CHD8: variants seen among roughly 807,000 people sequenced by gnomAD.
The protein encoded by CHD8 is chromodomain helicase DNA binding protein 8, also known as ATP-dependent chromatin remodeler CHD8.
CHD8 carries 31 observed loss-of-function variants against 279.2 expected under a neutral mutation model. The observed-to-expected ratio is 0.11, with a 90% confidence interval of 0.08 to 0.15. The LOEUF (loss-of-function observed/expected upper bound fraction) is 0.15. CHD8 is among the 10% of genes least tolerant of loss of function. The pLI, the probability that CHD8 is intolerant of heterozygous loss-of-function variation, is 1.00. For synonymous variants in CHD8, 1,081 were observed against 1,139.6 expected (o/e 0.95, Z 1.04); for missense variants, 2,146 against 3,230.5 (o/e 0.66, Z 8.14).
Position 21,395,386 on chromosome 14 carries a change from G to A in CHD8, c.5128-34C>T, listed in dbSNP as rs58514360. On this transcript the variant is annotated intron_variant, in intron 28 of 37. Coordinates refer to ENST00000646647, the MANE Select transcript of CHD8 (RefSeq NM_001170629.2). The stretch of plus-strand genomic sequence containing the variant: ...GGAGATCCACCCAATAGGATGGAGC[G>A]GGGAGGGAAAGGGGGGGAAGTTGGC... The A allele has an allele frequency of 9.5e-5, 145 of 1,519,100 alleles. No individual in the cohort carries two copies. The African/African-American group carries it at 1.5e-3, about 15-fold the overall frequency. The allele number at this position is 1,519,100 out of a possible 1,614,324, so 94.1% of individuals were successfully genotyped here. A position where few individuals can be genotyped will look rare whatever the true frequency, so the allele number is the denominator to read the frequency against.
intron 21 of CHD8, 103 bp downstream of exon 21, chr14:21,401,300 C>A: frequency 2.5e-6 from 2 of 787,934 alleles, no homozygotes; most frequent in South Asian, 1.9e-5. Context: ...TACAATACAC[C>A]ATCATAAATC....
Position 21,403,304 on chromosome 14 carries a change from C to G in CHD8, c.3519-92G>C. The G allele has an allele frequency of 7.4e-7, 1 of 1,346,282 alleles. No individual in the cohort carries two copies. The highest frequency in any genetic ancestry group is 2.4e-5 in the East Asian group (1 of 42,002). 83.4% of individuals were successfully genotyped at this position (1,346,282 alleles called of 1,614,324 possible). A position where few individuals can be genotyped will look rare whatever the true frequency, so the allele number is the denominator to read the frequency against. Reference sequence around the variant, plus strand: ...AGGATCAATACCAGTACTCCCATATCAAAGCTGGTCAAAAACCCAAGTTGA... The same window carrying G: ...AGGATCAATACCAGTACTCCCATATGAAAGCTGGTCAAAAACCCAAGTTGA... On this transcript the variant is annotated intron_variant, in intron 17 of 37. Transcript: ENST00000646647. The surrounding 1 kb of genome is among the most constrained non-coding windows in gnomAD (Gnocchi z 4.3).
Position 21,409,961 on chromosome 14 carries a change from A to C in CHD8, c.2254T>G (p.Cys752Gly). 6.2e-7 allele frequency: 1 copy of C among 1,613,340 alleles called. No individual in the cohort carries two copies. Among genetic ancestry groups the C allele is most frequent in the Non-Finnish European group, 8.5e-7 (1 of 1,179,484 alleles). Reference sequence around the variant, plus strand: ...GTGCTATCCTCATAGGGCAGAGAGCACCATTTCACCAGGTAGTAAATAACG... The same window carrying C: ...GTGCTATCCTCATAGGGCAGAGAGCCCCATTTCACCAGGTAGTAAATAACG... ...EPVIYYLVKW[C>G]SLPYEDSTWE... Residue 752 changes from cysteine to glycine, a missense_variant, in exon 11 of 38, where the codon TGC (cysteine) becomes GGC (glycine). Physicochemically the swap from Cys to Gly is radical, Grantham distance 159. Transcript: ENST00000646647.
chr14:21,398,563 C>CA (rs2139458588), intron 26 of CHD8: 1 of 152,194 alleles, frequency 6.6e-6, no homozygotes, highest in East Asian at 1.9e-4. Flanking sequence ...TTAAACGTCT[C>CA]AAAAAAGATG....
chr14:21,408,169 A>C lies in CHD8; in HGVS notation c.2730+143T>G. ...AAATGCCCTGCACACTGCTATACAA[A>C]AATGCCTTAAACCATAGGCATTTTT... On this transcript the variant is annotated intron_variant, in intron 13 of 37. Coordinates refer to ENST00000646647, the MANE Select transcript of CHD8 (RefSeq NM_001170629.2). This position sits in a 1 kb window ranked among gnomAD's most constrained non-coding sequence, Gnocchi z 4.3. The C allele has an allele frequency of 1.0e-6, 1 of 985,756 alleles. No individual in the cohort carries two copies. The highest frequency in any genetic ancestry group is 2.4e-5 in the East Asian group (1 of 41,026). The allele number at this position is 985,756 out of a possible 1,614,324, so 61.1% of individuals were successfully genotyped here.
chr14:21,385,739 G>A lies in CHD8; in HGVS notation c.7620C>T (p.Asp2540=), dbSNP rs367905297. The A allele has an allele frequency of 6.4e-4, 993 of 1,551,282 alleles. 2 individuals carry two copies. The highest frequency in any genetic ancestry group is 1.7e-3 in the Middle Eastern group (10 of 5,990). Residue 2540 remains aspartate, a synonymous_variant, in exon 38 of 38, where the codon GAC becomes GAT. Transcript: ENST00000646647. Reference sequence around the variant, plus strand: ...CATCATCATCTTCTTCATCCTCATCGTCATCCTCCTCAGGTTGCAGTGGTG... The same window carrying A: ...CATCATCATCTTCTTCATCCTCATCATCATCCTCCTCAGGTTGCAGTGGTG... ...RLPPLQPEED[D]DEDEEDDDDL...
intron 1 of CHD8, among the ~76,000 whole-genome samples, chr14:21,432,673 C>T (rs1889613811): frequency 6.6e-6 from 1 of 152,182 alleles, no homozygotes; most frequent in South Asian, 2.1e-4. Context: ...TCCTCTCCAT[C>T]CCAATGCCAA....
rs1174817507 is a variant in CHD8, at chr14:21,405,857, T to G, written c.2915A>C (p.Lys972Thr). ...CAATGGTGTTCCTGTGAGTAGCACC[T>G]TGTGTTCCTAGAAATGGAGGAAACA... is the stretch of plus-strand genomic sequence containing the variant. ...DSLKHMDLEH[K>T]VLLTGTPLQN... The change falls in exon 15 of 38, where the codon AAG becomes ACG. Residue 972 changes from lysine (K) to threonine (T), a missense_variant. This residue lies in a region of CHD8 where 211 missense variants were observed against 464.7 expected (regional missense o/e 0.45). Transcript: ENST00000646647. This position sits in a 1 kb window ranked among gnomAD's most constrained non-coding sequence, Gnocchi z 4.2. 6.2e-7 allele frequency: 1 copy of G among 1,607,886 alleles called. No homozygotes were observed. The highest frequency in any genetic ancestry group is 1.1e-5 in the South Asian group (1 of 89,596).
intron 21 of CHD8, 71 bp downstream of exon 21, chr14:21,401,332 G>A: frequency 1.1e-6 from 1 of 900,710 alleles, no homozygotes; most frequent in Non-Finnish European, 1.7e-6. Flanking sequence ...CAAATAATCA[G>A]AGTAGCTGTA....
chr14:21,409,906 C>A lies in CHD8; in HGVS notation c.2309G>T (p.Gly770Val), dbSNP rs1888414292. 1 of 1,613,646 alleles carries A rather than the reference C, an allele frequency of 6.2e-7. No homozygotes were observed. The highest frequency in any genetic ancestry group is 1.3e-5 in the African/African-American group (1 of 74,906). ...AATCCGTTTAAATTCTCGAATCTTG[C>A]CCTCATCAACATCTTCTTTTAGCTC... Reference protein sequence around the residue: ...TWELKEDVDEGKIREFKRIQS... With the variant: ...TWELKEDVDEVKIREFKRIQS... The change falls in exon 11 of 38, where the codon GGC (glycine) becomes GTC (valine). Residue 770 changes from glycine (G) to valine (V), a missense_variant. By Grantham distance (109) the Gly-to-Val change is moderately radical (BLOSUM62 -3). Around this residue, in one of 26 missense-constraint regions of CHD8, gnomAD observed 211 missense variants for 464.7 expected, o/e 0.45. Coordinates refer to ENST00000646647, the MANE Select transcript of CHD8 (RefSeq NM_001170629.2).
In CHD8 at chr14:21,402,988, T is replaced by G; in HGVS notation, c.3714+29A>C. On this transcript the variant is annotated intron_variant, in intron 18 of 37. Transcript: ENST00000646647. This position sits in a 1 kb window ranked among gnomAD's most constrained non-coding sequence, Gnocchi z 4.5. ...TTGAAAAATCTCCCAAGTTAGGTAG[T>G]TAGTCCCTAAGACAATGAATTCCTT... is the stretch of plus-strand genomic sequence containing the variant. 4.5e-6 allele frequency: 7 copies of G among 1,561,838 alleles called. No individual in the cohort carries two copies. The highest frequency in any genetic ancestry group is 5.3e-6 in the Non-Finnish European group (6 of 1,139,008).
In CHD8 at chr14:21,391,827, A is replaced by T. The variant is rs766591326; in HGVS notation, c.6885+6T>A. The T allele has an allele frequency of 1.3e-6, 2 of 1,594,008 alleles. No individual in the cohort carries two copies. Among genetic ancestry groups the T allele is most frequent in the South Asian group, 2.2e-5 (2 of 90,670 alleles). ...CGTCAGGTTAAAGACTTTCTCTACC[A>T]CTCACCTCTACTAGCTTCTTTCTGT... is the stretch of plus-strand genomic sequence containing the variant. On this transcript the variant is annotated splice_donor_region_variant and intron_variant, in intron 35 of 37. Transcript: ENST00000646647.
chr14:21,446,393 CCT>C (rs950436684), intron 1 of CHD8, among the ~76,000 whole-genome samples: 15 of 148,006 alleles, frequency 1.0e-4, no homozygotes, highest in African/African-American at 3.5e-4. Context: ...CTCACTGCAA[CCT>C]CTGTCTCCCA....
intron 37 of CHD8, chr14:21,386,445 AC>A (rs1887240455): frequency 2.0e-6 from 1 of 510,158 alleles, no homozygotes. Flanking sequence ...TTTCCCCATG[AC>A]TATATTGTAT....
intron 4 of CHD8, chr14:21,426,610 A>T (rs1889329253): frequency 6.0e-6 from 1 of 167,592 alleles, no homozygotes; most frequent in Non-Finnish European, 1.3e-5. Flanking sequence ...TAGAGAGATA[A>T]TACCTGTCCT....
Position 21,385,742 on chromosome 14 carries a change from ATCC to A in CHD8, c.7614_7616del (p.Glu2538del). On this transcript the variant is annotated inframe_deletion, in exon 38 of 38. Transcript: ENST00000646647. ...CATCATCTTCTTCATCCTCATCGTCATCCTCCTCAGGTTGCAGTGGTGGCAACC... is the reference window on the plus strand; with the variant it reads ...CATCATCTTCTTCATCCTCATCGTCATCCTCAGGTTGCAGTGGTGGCAACC... 6.4e-7 allele frequency: 1 copy of A among 1,551,102 alleles called. No homozygotes were observed. The highest frequency in any genetic ancestry group is 8.7e-7 in the Non-Finnish European group (1 of 1,146,908).
intron 34 of CHD8, chr14:21,392,214 C>G: frequency 1.3e-6 from 1 of 754,116 alleles, no homozygotes; most frequent in South Asian, 1.4e-5. Flanking sequence ...AAACTCCCTA[C>G]CTGGTGTCTC....
intron 1 of CHD8, among the ~76,000 whole-genome samples, chr14:21,444,767 G>A (rs1890071964): frequency 6.6e-6 from 1 of 150,714 alleles, no homozygotes; most frequent in African/African-American, 2.4e-5. Flanking sequence ...GTTCACTTTG[G>A]TCCTAGACCT....
chr14:21,436,915 G>T, intron 1 of CHD8: 2 of 1,286,284 alleles, frequency 1.6e-6, no homozygotes, highest in Non-Finnish European at 2.0e-6. Context: ...TCATACTGCC[G>T]GGGTTGGTGC....
Sources: gnomAD v4.1 joint callset for allele counts (sites outside exome capture counted in the v4.1 genomes callset) on GRCh38, gnomAD v4.1.1 for gene constraint, gnomAD v4.1.1 regional missense constraint, Gnocchi (gnomAD v3.1) non-coding constraint, MANE v1.5 for transcripts, NCBI Gene and HGNC (gene_info 2026-07-23, HGNC 2026-07-21) for gene names.